Variants in KLHL29 observed in about 807,000 individuals in gnomAD.
KLHL29 encodes kelch-like protein 29.
In KLHL29, 21 loss-of-function variants were observed where a neutral mutation model predicts 80.4. The ratio of observed to expected loss-of-function variants is 0.26; its 90% CI spans 0.19 to 0.38. The LOEUF (loss-of-function observed/expected upper bound fraction) is 0.38, where lower values mean the gene tolerates loss of function less well. Ranked by LOEUF, KLHL29 falls within the 10% of genes least tolerant of loss-of-function variation. The pLI is 1.00. For missense variants in KLHL29, 867 were observed against 1,223.9 expected, an observed-to-expected ratio of 0.71 and a Z score of 4.35; for synonymous variants, 511 against 526.8, an observed-to-expected ratio of 0.97 and a Z score of 0.41.
intron 2 of KLHL29, among the ~76,000 whole-genome samples, chr2:23,526,091 G>A (rs906610989): frequency 1.2e-4 from 19 of 152,240 alleles, no homozygotes; most frequent in Non-Finnish European, 1.9e-4. Context: ...AAAGGGAAAA[G>A]CAGGTTAGGA....
At chr2:23,674,890 C>T (rs1670880718) in intron 5 of KLHL29, among the ~76,000 whole-genome samples, 1 of 152,152 alleles carries the variant, frequency 6.6e-6, no homozygotes, top group Admixed American at 6.5e-5. Context: ...CCTCTGTCTG[C>T]TCCCATCTGC....
intron 2 of KLHL29, chr2:23,532,757 C>T (rs984864732): frequency 2.6e-5 from 11 of 423,756 alleles, no homozygotes; most frequent in African/African-American, 1.2e-4. Flanking sequence ...ACCCTCTGCA[C>T]GGGGAGAAGG....
intron 1 of KLHL29, among the ~76,000 whole-genome samples, chr2:23,410,270 C>T (rs535317369): frequency 2.8e-4 from 41 of 145,062 alleles, no homozygotes; most frequent in Non-Finnish European, 4.8e-4. Context: ...GAGAGGACTG[C>T]GGGAGTCCAG....
chr2:23,582,323 A>C (rs1668007921), intron 3 of KLHL29, among the ~76,000 whole-genome samples: 1 of 152,240 alleles, frequency 6.6e-6, no homozygotes, highest in Admixed American at 6.5e-5. Flanking sequence ...TCTCAGAAAT[A>C]AAGTAGGAAA....
intron 5 of KLHL29, among the ~76,000 whole-genome samples, chr2:23,664,913 G>A (rs555110345): frequency 6.6e-6 from 1 of 152,354 alleles, no homozygotes; most frequent in South Asian, 2.1e-4. Flanking sequence ...GGGAGCCATA[G>A]GGAATCTCCC....
At position 23,516,289 on chromosome 2, in the gene KLHL29, T is replaced by A. The variant is rs578255133; in HGVS notation, c.-46+40622T>A. ...CTGGGAAGGGCTGACCAGGAGCAAC[T>A]ATTCGAAGGCAGCACCCTGCACACA... is the stretch of plus-strand genomic sequence containing the variant. On this transcript the variant is annotated intron_variant, in intron 2 of 13. Coordinates refer to ENST00000486442, the MANE Select transcript of KLHL29 (RefSeq NM_052920.2). Among the ~76,000 whole-genome samples the A allele has an allele frequency of 2.3e-4, 35 of 152,276 alleles. No individual in the cohort carries two copies. In the South Asian group the frequency reaches 6.8e-3, roughly 30 times the overall value.
At chr2:23,386,069 G>C (rs982996424) in intron 1 of KLHL29, among the ~76,000 whole-genome samples, 2 of 152,256 alleles carry the variant, frequency 1.3e-5, no homozygotes, top group African/African-American at 4.8e-5. Context: ...CTGTCACGGT[G>C]TTCGGAGGTG....
At position 23,615,791 on chromosome 2, in the gene KLHL29, T is replaced by G. The variant is rs149982257; in HGVS notation, c.286-23348T>G. Reference sequence around the variant, plus strand: ...ACAGACCGTGCTGAGGATGTCAGATTAGAGTGAAGTGACCATGACCTTGTT... The same window carrying G: ...ACAGACCGTGCTGAGGATGTCAGATGAGAGTGAAGTGACCATGACCTTGTT... On this transcript the variant is annotated intron_variant, in intron 3 of 13. Transcript: ENST00000486442. 1.9e-3 allele frequency among the ~76,000 whole-genome samples: 292 copies of G among 152,270 alleles called. 1 individual carries two copies. Among genetic ancestry groups the G allele is most frequent in the Middle Eastern group, 6.8e-3 (2 of 294 alleles).
At chr2:23,688,254 G>A (rs1671365020) in intron 6 of KLHL29, among the ~76,000 whole-genome samples, 1 of 152,250 alleles carries the variant, frequency 6.6e-6, no homozygotes, top group South Asian at 2.1e-4. Context: ...GTGTCCTGCA[G>A]CTGATGACAC....
In KLHL29 at chr2:23,707,509, T is replaced by C. The variant is rs1672806244; in HGVS notation, c.*845T>C. On this transcript the variant is annotated 3_prime_UTR_variant, in exon 14 of 14. Coordinates refer to ENST00000486442, the MANE Select transcript of KLHL29 (RefSeq NM_052920.2). ...GGGCTTTTGCTCTCATTTTTCTATG[T>C]GCAGAATAGAGGATCTCTCCTGGGG... The C allele has an allele frequency of 6.6e-6, 1 of 152,232 alleles. No homozygotes were observed. The highest frequency in any genetic ancestry group is 2.4e-5 in the African/African-American group (1 of 41,462). 9.4% of individuals were successfully genotyped at this position (152,232 alleles called of 1,614,324 possible).
At chr2:23,398,062 A>T (rs933791237) in intron 1 of KLHL29, among the ~76,000 whole-genome samples, 2 of 152,246 alleles carry the variant, frequency 1.3e-5, no homozygotes, top group African/African-American at 4.8e-5. Flanking sequence ...TTCTTCAAAA[A>T]ATTAAACATA....
intron 2 of KLHL29, among the ~76,000 whole-genome samples, chr2:23,496,989 A>G (rs1185208326): frequency 6.6e-6 from 1 of 152,118 alleles, no homozygotes; most frequent in East Asian, 1.9e-4. Flanking sequence ...AATTCTGTAA[A>G]TTGAGAAACA....
At chr2:23,527,658 C>T (rs530194099) in intron 2 of KLHL29, among the ~76,000 whole-genome samples, 146 of 152,296 alleles carry the variant, frequency 9.6e-4, no homozygotes, top group Middle Eastern at 3.4e-3. Context: ...TCAGTGTTCT[C>T]GAGTTCCAAA....
chr2:23,664,302 C>T (rs1204447132), intron 5 of KLHL29, among the ~76,000 whole-genome samples: 1 of 152,180 alleles, frequency 6.6e-6, no homozygotes, highest in Admixed American at 6.5e-5. Context: ...CACACTGGGG[C>T]AGGGAGGGTT....
intron 2 of KLHL29, among the ~76,000 whole-genome samples, chr2:23,502,930 C>T (rs1239664429): frequency 6.6e-6 from 1 of 152,226 alleles, no homozygotes; most frequent in Non-Finnish European, 1.5e-5. Flanking sequence ...AAAATTCTAG[C>T]AGGACTCAGG....
intron 3 of KLHL29, among the ~76,000 whole-genome samples, chr2:23,629,993 C>G (rs549518310): frequency 6.6e-6 from 1 of 152,254 alleles, no homozygotes; most frequent in East Asian, 1.9e-4. Context: ...AGCATTGTTA[C>G]CGAAACGGAG....
At chr2:23,393,360 C>A (rs529398141) in intron 1 of KLHL29, among the ~76,000 whole-genome samples, 1 of 152,284 alleles carries the variant, frequency 6.6e-6, no homozygotes, top group South Asian at 2.1e-4. Flanking sequence ...ATGGAATCTT[C>A]TAGGATTTAT....
At position 23,620,598 on chromosome 2, in the gene KLHL29, G is replaced by A. The variant is rs1333123004; in HGVS notation, c.286-18541G>A. On this transcript the variant is annotated intron_variant, in intron 3 of 13. Coordinates refer to ENST00000486442, the MANE Select transcript of KLHL29 (RefSeq NM_052920.2). ...CAGCAGAGGGAGCTGACCCAGGATG[G>A]GGAGGGAGAGAGCAGAGGCCAGTCC... Among the ~76,000 whole-genome samples, 6 of 152,296 alleles carry A rather than the reference G, an allele frequency of 3.9e-5. No homozygotes were observed. In the East Asian group the frequency reaches 1.2e-3, roughly 29 times the overall value.
intron 3 of KLHL29, among the ~76,000 whole-genome samples, chr2:23,635,411 G>A (rs1669582021): frequency 6.6e-6 from 1 of 152,170 alleles, no homozygotes; most frequent in Non-Finnish European, 1.5e-5. Context: ...CCCCAAGCTG[G>A]TGGAGTGAAC....
Sources: gnomAD v4.1 joint callset for allele counts (sites outside exome capture counted in the v4.1 genomes callset) on GRCh38, gnomAD v4.1.1 for gene constraint, MANE v1.5 for transcripts, NCBI Gene and HGNC (gene_info 2026-07-23, HGNC 2026-07-21) for gene names.